Variants in TRIM34 observed in about 807,000 individuals in gnomAD.
The protein encoded by TRIM34 is E3 ubiquitin-protein ligase TRIM34.
A neutral mutation model predicts 38.1 loss-of-function variants in TRIM34; 41 were observed. The ratio of observed to expected loss-of-function variants is 1.08; its 90% CI spans 0.84 to 1.40. The LOEUF is 1.40. TRIM34 is among the 40% of genes most tolerant of loss of function. The pLI, the probability that TRIM34 is intolerant of heterozygous loss-of-function variation, is 0.00. For synonymous variants in TRIM34, 200 were observed against 202.5 expected (o/e 0.99, Z 0.10); for missense variants, 556 against 571.4 (o/e 0.97, Z 0.27).
At chr11:5,629,387 A>G (rs1356953924) in intron 1 of TRIM34, among the ~76,000 whole-genome samples, 2 of 152,252 alleles carry the variant, frequency 1.3e-5, no homozygotes, top group Non-Finnish European at 2.9e-5. Context: ...ATAAGTTCAC[A>G]TTCACATAAG....
Position 5,643,425 on chromosome 11 carries a change from T to C in TRIM34, c.1183T>C (p.Phe395Leu). Residue 395 changes from phenylalanine (F) to leucine (L), a missense_variant, in exon 8 of 8, where the codon TTT becomes CTT. Coordinates refer to ENST00000429814, the MANE Select transcript of TRIM34 (RefSeq NM_021616.6). ...TCTTTACACCAAATACAGACCTCTA[T>C]TTGGCTACTGGGTTATAGGGTTACA... ...QNLYTKYRPL[F>L]GYWVIGLQNK... 1.2e-6 allele frequency: 2 copies of C among 1,614,218 alleles called. No individual in the cohort carries two copies. The highest frequency in any genetic ancestry group is 2.2e-5 in the South Asian group (2 of 91,092).
In TRIM34 at chr11:5,640,255, T is replaced by G. The variant is rs550231720; in HGVS notation, c.751-912T>G. 3.9e-5 allele frequency among the ~76,000 whole-genome samples: 6 copies of G among 152,332 alleles called. No individual in the cohort carries two copies. In the East Asian group the frequency reaches 9.6e-4, roughly 24 times the overall value. On this transcript the variant is annotated intron_variant, in intron 4 of 7. Transcript: ENST00000429814. Reference sequence around the variant, plus strand: ...CAAAGTATGATGTTAGCTGTAGGTTTTTCATAGATGTGTTTTATCAGGCTG... The same window carrying G: ...CAAAGTATGATGTTAGCTGTAGGTTGTTCATAGATGTGTTTTATCAGGCTG...
At chr11:5,630,365 G>T (rs1849435494) in intron 1 of TRIM34, among the ~76,000 whole-genome samples, 1 of 151,886 alleles carries the variant, frequency 6.6e-6, no homozygotes, top group South Asian at 2.1e-4. Flanking sequence ...ACCCTCATCT[G>T]CTTCTCTCTG....
intron 1 of TRIM34, among the ~76,000 whole-genome samples, chr11:5,625,638 C>T (rs1849181423): frequency 6.6e-6 from 1 of 152,164 alleles, no homozygotes; most frequent in African/African-American, 2.4e-5. Flanking sequence ...TAGTCCTTGG[C>T]CTCCCTGACA....
rs767811505 is a variant in TRIM34 at position 5,643,196 on chromosome 11, A to T, written c.954A>T (p.Glu318Asp). 2.5e-6 allele frequency: 4 copies of T among 1,603,572 alleles called. No homozygotes were observed. The South Asian group carries it at 4.5e-5, about 18-fold the overall frequency. The change falls in exon 8 of 8, where the codon GAA becomes GAT. Residue 318 changes from glutamate to aspartate, a missense_variant. By Grantham distance (45) the Glu-to-Asp change is conservative (BLOSUM62 2). Transcript: ENST00000429814. ...VNLNLNLVLS[E>D]DQRQVISVPI... ...TAAATTTGAATCTTGTCCTTTCAGA[A>T]GATCAGAGACAAGTGATATCTGTGC... is the stretch of plus-strand genomic sequence containing the variant.
chr11:5,624,620 TGATGTTTTG>T (rs147922911), upstream of TRIM34, among the ~76,000 whole-genome samples: 161 of 152,322 alleles, frequency 1.1e-3, no homozygotes, highest in African/African-American at 3.8e-3. Flanking sequence ...ACAGCACTAT[TGATGTTTTG>T]GAATGGATCA....
At chr11:5,636,108 A>G (rs192160901) in intron 4 of TRIM34, among the ~76,000 whole-genome samples, 37 of 152,366 alleles carry the variant, frequency 2.4e-4, no homozygotes, top group Admixed American at 2.2e-3. Context: ...AGTATTGTTC[A>G]TAAATAAAAC....
At chr11:5,626,420 C>T (rs1849236113) in intron 1 of TRIM34, among the ~76,000 whole-genome samples, 1 of 152,152 alleles carries the variant, frequency 6.6e-6, no homozygotes, top group South Asian at 2.1e-4. Context: ...GGCCTTGCAA[C>T]TTTAAATAGT....
intron 1 of TRIM34, among the ~76,000 whole-genome samples, chr11:5,627,241 G>A (rs1419201569): frequency 3.3e-5 from 5 of 151,828 alleles, no homozygotes; most frequent in East Asian, 1.9e-4. Context: ...TTAGCTGGGC[G>A]TTGTGGCAGG....
chr11:5,633,891 T>C lies in TRIM34; in HGVS notation c.511T>C (p.Ser171Pro). Residue 171 changes from serine to proline, a missense_variant, in exon 3 of 8, where the codon TCC (serine) becomes CCC (proline). By Grantham distance (74) the Ser-to-Pro change is moderately conservative. Transcript: ENST00000429814. Reference sequence around the variant, plus strand: ...AGCTGACATCAGAGAAGAGAAAACTTCCTGGAAGGCAAGAGGAGATTCTGA... The same window carrying C: ...AGCTGACATCAGAGAAGAGAAAACTCCCTGGAAGGCAAGAGGAGATTCTGA... ...LEADIREEKT[S>P]WKYQVQTERQ... 6.2e-7 allele frequency: 1 copy of C among 1,613,952 alleles called. No homozygotes were observed. The highest frequency in any genetic ancestry group is 8.5e-7 in the Non-Finnish European group (1 of 1,179,942).
At position 5,643,294 on chromosome 11, in the gene TRIM34, G is replaced by T; in HGVS notation, c.1052G>T (p.Trp351Leu). ...SQYFSSGKHY[W>L]EVDVSKKTAW... The stretch of plus-strand genomic sequence containing the variant: ...TATTTCTCCTCTGGGAAACATTACT[G>T]GGAAGTGGACGTGTCCAAGAAAACT... Residue 351 changes from tryptophan to leucine, a missense_variant, in exon 8 of 8, where the codon TGG becomes TTG. Transcript: ENST00000429814. The T allele has an allele frequency of 6.2e-7, 1 of 1,614,022 alleles. No homozygotes were observed. Among genetic ancestry groups the T allele is most frequent in the Non-Finnish European group, 8.5e-7 (1 of 1,180,000 alleles).
At chr11:5,640,328 TG>T (rs1224948961) in intron 4 of TRIM34, among the ~76,000 whole-genome samples, 38 of 151,172 alleles carry the variant, frequency 2.5e-4, no homozygotes, top group African/African-American at 4.9e-4. Flanking sequence ...TGTTTTGTTT[TG>T]TTTTTTTTAT....
rs755593678 is a variant in TRIM34 at position 5,633,931 on chromosome 11, A to G, written c.519+32A>G. The G allele has an allele frequency of 2.5e-6, 4 of 1,610,984 alleles. No individual in the cohort carries two copies. The South Asian group carries it at 4.4e-5, about 18-fold the overall frequency. On this transcript the variant is annotated intron_variant, in intron 3 of 7. Coordinates refer to ENST00000429814, the MANE Select transcript of TRIM34 (RefSeq NM_021616.6). ...GGAGATTCTGAAGGTTTTCTGAGAC[A>G]GGAATCTTGACAGGACCTTAATCCA...
intron 4 of TRIM34, among the ~76,000 whole-genome samples, chr11:5,640,165 A>C (rs1412916657): frequency 6.6e-6 from 1 of 152,212 alleles, no homozygotes; most frequent in Non-Finnish European, 1.5e-5. Context: ...TGTTAAATAG[A>C]AGTAGTGAGA....
At chr11:5,624,688 T>A (rs1297690749), upstream of TRIM34, 1 of 152,190 alleles carries the variant, frequency 6.6e-6, no homozygotes, top group Non-Finnish European at 1.5e-5. Context: ...CTTAGCGGCA[T>A]CTGTGACCTG....
At chr11:5,626,306 A>G (rs1016366224) in intron 1 of TRIM34, among the ~76,000 whole-genome samples, 1 of 152,220 alleles carries the variant, frequency 6.6e-6, no homozygotes, top group African/African-American at 2.4e-5. Flanking sequence ...GTGATCATAG[A>G]CCATATCGAT....
At chr11:5,629,750 C>T (rs780772998) in intron 1 of TRIM34, among the ~76,000 whole-genome samples, 4 of 152,202 alleles carry the variant, frequency 2.6e-5, no homozygotes, top group Non-Finnish European at 5.9e-5. Context: ...CTCTGTCGCC[C>T]GGGCTGGAGT....
intron 5 of TRIM34, chr11:5,641,417 CA>C (rs1325773084): frequency 1.2e-5 from 14 of 1,143,940 alleles, no homozygotes; most frequent in Middle Eastern, 3.0e-4. Flanking sequence ...GAGCTACAGC[CA>C]AAAAGGATAT....
Position 5,626,477 on chromosome 11 carries a change from T to C in TRIM34, c.-78+1417T>C, listed in dbSNP as rs868044119. ...TTTTCATTGTAAGAACACATTTGAG[T>C]AGAATCTTAAGAATGCGAGGAAATT... On this transcript the variant is annotated intron_variant, in intron 1 of 7. Transcript: ENST00000429814. 162 of 152,184 alleles carry C rather than the reference T, an allele frequency of 1.1e-3. 1 individual carries two copies. The highest frequency in any genetic ancestry group is 3.5e-3 in the African/African-American group (147 of 41,436). 9.4% of individuals were successfully genotyped at this position (152,184 alleles called of 1,614,324 possible). A position where few individuals can be genotyped will look rare whatever the true frequency, so the allele number is the denominator to read the frequency against.
Sources: allele counts gnomAD v4.1 joint callset (sites outside exome capture counted in the v4.1 genomes callset), GRCh38; gene constraint gnomAD v4.1.1; transcripts MANE v1.5; gene names NCBI Gene and HGNC (gene_info 2026-07-23, HGNC 2026-07-21).